The following HDC variants were observed in gnomAD, a reference collection of about 807,000 sequenced individuals.
HDC encodes the protein histidine decarboxylase.
In HDC, 27 loss-of-function variants were observed where a neutral mutation model predicts 64.4. That is an observed-to-expected ratio of 0.42 (90% confidence interval 0.31 to 0.58). The LOEUF is 0.58. HDC is among the 20% of genes least tolerant of loss of function. HDC has a pLI of 0.16. For synonymous variants in HDC, 305 were observed against 314.2 expected (o/e 0.97, Z 0.31); for missense variants, 711 against 833.9 (o/e 0.85, Z 1.81).
intron 9 of HDC, among the ~76,000 whole-genome samples, chr15:50,251,371 C>T (rs1356963563): frequency 6.6e-6 from 1 of 152,170 alleles, no homozygotes; most frequent in Non-Finnish European, 1.5e-5. Context: ...CACACGTGTT[C>T]CCATTTAAGC....
At chr15:50,254,738 T>C (rs1677254) in intron 4 of HDC, 74 bp from the exon 5 acceptor site, 80,971 of 861,208 alleles carry the variant, frequency 0.094, 7,117 homozygotes, top group Non-Finnish European at 0.11. Flanking sequence ...TTCTAGTTTT[T>C]TCTCTCTCTC....
In HDC at chr15:50,248,548, A is replaced by C. The variant is rs1469267929; in HGVS notation, c.1042-205T>G. On this transcript the variant is annotated intron_variant, in intron 9 of 11. Transcript: ENST00000267845. The surrounding 1 kb of genome is among the most constrained non-coding windows in gnomAD (Gnocchi z 4.3). ...CAAATCACTGATGAAGGTGGCCAAT[A>C]GTCACTTGTCTGAGAGCCAGACAAG... 6.6e-6 allele frequency among the ~76,000 whole-genome samples: 1 copy of C among 152,152 alleles called. No homozygotes were observed. The highest frequency in any genetic ancestry group is 1.5e-5 in the Non-Finnish European group (1 of 68,014).
chr15:50,261,204 A>G (rs2045698533), intron 2 of HDC, among the ~76,000 whole-genome samples: 2 of 152,078 alleles, frequency 1.3e-5, no homozygotes, highest in Admixed American at 1.3e-4. Flanking sequence ...TCAAAAACAA[A>G]CAGACCTCTT....
chr15:50,252,749 G>A lies in HDC; in HGVS notation c.813C>T (p.His271=). The A allele has an allele frequency of 6.2e-7, 1 of 1,613,900 alleles. No individual in the cohort carries two copies. The highest frequency in any genetic ancestry group is 8.5e-7 in the Non-Finnish European group (1 of 1,179,928). The change falls in exon 8 of 12, where the codon CAC becomes CAT. Residue 271 remains histidine, a synonymous_variant. Coordinates refer to ENST00000267845, the MANE Select transcript of HDC (RefSeq NM_002112.4). ...CAGTGCCTGCATAAGCAGCATCGAT[G>A]TGGAGCCACAGCCCCTCACGGGCAC... ...PICAREGLWL[H]IDAAYAGTAF... is the part of the protein sequence containing the mutation.
chr15:50,263,449 G>A, intron 1 of HDC, 42 bp from the exon 2 acceptor site: 1 of 1,589,994 alleles, frequency 6.3e-7, no homozygotes, highest in Admixed American at 1.7e-5. Flanking sequence ...TCCCCTGACT[G>A]GGCCTGACCG....
At chr15:50,253,838 C>G in intron 6 of HDC, 172 bp from the exon 7 acceptor site, 1 of 690,516 alleles carries the variant, frequency 1.4e-6, no homozygotes, top group Non-Finnish European at 2.6e-6. Context: ...ATATAACAAT[C>G]TAGTACATGT....
intron 6 of HDC, 45 bp downstream of exon 6, chr15:50,254,085 A>G: frequency 1.2e-6 from 2 of 1,610,994 alleles, no homozygotes; most frequent in Admixed American, 1.7e-5. Flanking sequence ...CCTTCCTCAC[A>G]TCCAAGTTCT....
rs116781980 is a variant in HDC, at chr15:50,253,358, C to T, written c.787+242G>A. 1.4e-3 allele frequency: 814 copies of T among 575,804 alleles called. 7 individuals carry two copies. The highest frequency in any genetic ancestry group is 0.014 in the African/African-American group (737 of 53,558). The allele number at this position is 575,804 out of a possible 1,614,324, so 35.7% of individuals were successfully genotyped here. A position where few individuals can be genotyped will look rare whatever the true frequency, so the allele number is the denominator to read the frequency against. On this transcript the variant is annotated intron_variant, in intron 7 of 11. Coordinates refer to ENST00000267845, the MANE Select transcript of HDC (RefSeq NM_002112.4). ...GATGAGAAAACCGAAGGCTCTCCTA[C>T]TGTCGCCTCCTAGGACAGGAGGCAA...
intron 10 of HDC, among the ~76,000 whole-genome samples, chr15:50,243,697 T>C (rs776070321): frequency 6.6e-6 from 1 of 152,242 alleles, no homozygotes; most frequent in African/African-American, 2.4e-5. Flanking sequence ...AGTTGCCATA[T>C]GGGCTAGTGG....
In HDC at chr15:50,242,616, G is replaced by A. The variant is rs757449751; in HGVS notation, c.1633C>T (p.Leu545=). ...AAGCAGTCATCAACTGGGTCCAGCA[G>A]GGTTTCAAGATGGAGGCCATTTTCC... ...KRENGLHLET[L]LDPVDDCFSE... Residue 545 remains leucine, a synonymous_variant, in exon 12 of 12, where the codon CTG becomes TTG. Transcript: ENST00000267845. The A allele has an allele frequency of 6.2e-7, 1 of 1,614,082 alleles. No individual in the cohort carries two copies.
At chr15:50,263,511 G>C in intron 1 of HDC, 104 bp from the exon 2 acceptor site, 2 of 1,173,914 alleles carry the variant, frequency 1.7e-6, no homozygotes, top group Admixed American at 2.0e-5. Flanking sequence ...TAAAGAAGGA[G>C]ATGGATTTGG....
At chr15:50,254,106 G>T in intron 6 of HDC, 24 bp downstream of exon 6, 1 of 1,613,558 alleles carries the variant, frequency 6.2e-7, no homozygotes, top group South Asian at 1.1e-5. Context: ...ATCATTCTAA[G>T]CTTAGGCATA....
intron 9 of HDC, among the ~76,000 whole-genome samples, chr15:50,252,012 C>CA (rs200345118): frequency 0.034 from 5,118 of 151,914 alleles, 114 homozygotes; most frequent in African/African-American, 0.068. Flanking sequence ...CTGTCAGGGA[C>CA]AAAAAAACAA....
chr15:50,243,300 A>G (rs529232074), intron 10 of HDC, 56 bp from the exon 11 acceptor site: 2 of 1,172,962 alleles, frequency 1.7e-6, no homozygotes, highest in Non-Finnish European at 1.3e-6. Context: ...GAGACTATGC[A>G]TAAACTTTCA....
In HDC at chr15:50,258,476, T is replaced by G. The variant is rs749282579; in HGVS notation, c.246A>C (p.Pro82=). 1.2e-5 allele frequency: 19 copies of G among 1,613,724 alleles called. No individual in the cohort carries two copies. In the Admixed American group the frequency reaches 3.2e-4, roughly 27 times the overall value. The change falls in exon 3 of 12, where the codon CCA becomes CCC. Residue 82 remains proline, a synonymous_variant. Coordinates refer to ENST00000267845, the MANE Select transcript of HDC (RefSeq NM_002112.4). ...WQSPHMHAYY[P]ALTSWPSLLG... is the part of the protein sequence containing the mutation. ...GCAGGGAGGGCCAAGAGGTGAGGGC[T>G]GGGTAGTAGGCGTGCATATGGGGGC...
chr15:50,248,277 C>A lies in HDC; in HGVS notation c.1108G>T (p.Gly370Trp). ...VKLWFVIRSF[G>W]VKNLQAHVRH... ...ACATGTGCTTGAAGATTCTTCACCC[C>A]GAAGGACCGAATCACGAACCAGAGT... The change falls in exon 10 of 12, where the codon GGG becomes TGG. Residue 370 changes from glycine (G) to tryptophan (W), a missense_variant. By Grantham distance (184) the Gly-to-Trp change is radical. Around this residue, in one of 3 missense-constraint regions of HDC, gnomAD observed 483 missense variants for 540.9 expected, o/e 0.89. Transcript: ENST00000267845. This position sits in a 1 kb window ranked among gnomAD's most constrained non-coding sequence, Gnocchi z 4.3. 1 of 1,613,994 alleles carries A rather than the reference C, an allele frequency of 6.2e-7. No individual in the cohort carries two copies. The highest frequency in any genetic ancestry group is 8.5e-7 in the Non-Finnish European group (1 of 1,179,834).
At chr15:50,251,977 ACCACAGAGCTGCC>A (rs1236495007) in intron 9 of HDC, among the ~76,000 whole-genome samples, 1 of 152,190 alleles carries the variant, frequency 6.6e-6, no homozygotes, top group African/African-American at 2.4e-5. Context: ...GCCCATCACT[ACCACAGAGCTGCC>A]CCACAGCGCC....
chr15:50,263,436 A>C (rs2045731045), intron 1 of HDC, 29 bp from the exon 2 acceptor site: 4 of 1,610,264 alleles, frequency 2.5e-6, no homozygotes, highest in Non-Finnish European at 3.4e-6. Flanking sequence ...AATCAGGCTG[A>C]AATCCCCTGA....
In HDC at chr15:50,252,917, G is replaced by A; in HGVS notation, c.788-143C>T. The A allele has an allele frequency of 1.2e-5, 9 of 775,422 alleles. No individual in the cohort carries two copies. In the South Asian group the frequency reaches 1.2e-4, roughly 10 times the overall value. 48.0% of individuals were successfully genotyped at this position (775,422 alleles called of 1,614,324 possible). A position where few individuals can be genotyped will look rare whatever the true frequency, so the allele number is the denominator to read the frequency against. ...CGGAGGGGTGTGGAGATGGGAGCAG[G>A]TGGAGTCAGTTTGAAGAAGTGGGGC... On this transcript the variant is annotated intron_variant, in intron 7 of 11. Coordinates refer to ENST00000267845, the MANE Select transcript of HDC (RefSeq NM_002112.4).
Sources: allele counts gnomAD v4.1 joint callset (sites outside exome capture counted in the v4.1 genomes callset), GRCh38; gene constraint gnomAD v4.1.1; regional missense constraint gnomAD v4.1.1; non-coding constraint Gnocchi (gnomAD v3.1); transcripts MANE v1.5; gene names NCBI Gene and HGNC (gene_info 2026-07-23, HGNC 2026-07-21).